Variants in LUZP2 observed in about 807,000 individuals in gnomAD.
LUZP2 encodes the protein leucine zipper protein 2.
In LUZP2, 52 loss-of-function variants were observed where a neutral mutation model predicts 51.6. The observed-to-expected ratio is 1.01, with a 90% confidence interval of 0.81 to 1.27. The LOEUF is 1.27. LUZP2 is among the 50% of genes most tolerant of loss of function. The probability of loss-of-function intolerance (pLI) is 0.00; values close to 1 mark genes in which losing one functional copy is unlikely to be tolerated. For synonymous variants in LUZP2, 154 were observed against 137.3 expected (o/e 1.12, Z -0.85); for missense variants, 436 against 395.4 (o/e 1.10, Z -0.87).
chr11:24,876,530 G>GTGA (rs2134280595), intron 5 of LUZP2, among the ~76,000 whole-genome samples: 1 of 148,502 alleles, frequency 6.7e-6, no homozygotes, highest in South Asian at 2.2e-4. Flanking sequence ...GTCAGGTAGT[G>GTGA]TGATGCCTCC....
At chr11:24,913,012 C>T (rs974744754) in intron 6 of LUZP2, among the ~76,000 whole-genome samples, 9 of 152,074 alleles carry the variant, frequency 5.9e-5, no homozygotes, top group African/African-American at 1.7e-4. Flanking sequence ...GGTTTATTAC[C>T]TACTGCAGCC....
At chr11:24,926,501 A>ATATGTGTATATATATG (rs200786199) in intron 7 of LUZP2, among the ~76,000 whole-genome samples, 2 of 135,644 alleles carry the variant, frequency 1.5e-5, no homozygotes, top group African/African-American at 2.8e-5. Context: ...ATGTGTATAT[A>ATATGTGTATATATATG]TGTGTGTGTA....
chr11:24,565,630 G>A (rs1754826550), intron 1 of LUZP2, among the ~76,000 whole-genome samples: 2 of 152,254 alleles, frequency 1.3e-5, no homozygotes, highest in South Asian at 4.1e-4. Context: ...AGGTTTCACT[G>A]GTTGTCACCT....
intron 1 of LUZP2, among the ~76,000 whole-genome samples, chr11:24,505,331 G>T (rs1000534600): frequency 6.6e-6 from 1 of 152,216 alleles, no homozygotes; most frequent in East Asian, 1.9e-4. Context: ...TTGTCGTGTT[G>T]CATGGGGTTA....
chr11:24,581,478 C>A (rs955144612), intron 1 of LUZP2, among the ~76,000 whole-genome samples: 4 of 151,894 alleles, frequency 2.6e-5, no homozygotes, highest in African/African-American at 9.7e-5. Flanking sequence ...TGAGATCAGG[C>A]TCTCCAACAT....
At chr11:24,549,730 C>T (rs1460873756) in intron 1 of LUZP2, among the ~76,000 whole-genome samples, 1 of 151,978 alleles carries the variant, frequency 6.6e-6, no homozygotes, top group Non-Finnish European at 1.5e-5. Context: ...TATATTCCAT[C>T]TTTTATTGGC....
At chr11:24,561,776 C>T (rs1022961109) in intron 1 of LUZP2, among the ~76,000 whole-genome samples, 2 of 150,388 alleles carry the variant, frequency 1.3e-5, no homozygotes, top group Non-Finnish European at 2.9e-5. Context: ...ACCTATGTAA[C>T]AAACCAGCAC....
chr11:24,982,958 G>A (rs10767293), intron 8 of LUZP2, among the ~76,000 whole-genome samples, 168 bp from the exon 9 acceptor site: 91,029 of 151,564 alleles, frequency 0.6, 29,223 homozygotes, highest in African/African-American at 0.84. Context: ...AACAGACTGA[G>A]TGTGGATATA....
In LUZP2 at chr11:24,870,757, C is replaced by A. The variant is rs182332007; in HGVS notation, c.397-35234C>A. Among the ~76,000 whole-genome samples, 581 of 152,158 alleles carry A rather than the reference C, an allele frequency of 3.8e-3. 4 individuals carry two copies. The highest frequency in any genetic ancestry group is 0.013 in the African/African-American group (560 of 41,538). On this transcript the variant is annotated intron_variant, in intron 5 of 11. Coordinates refer to ENST00000336930, the MANE Select transcript of LUZP2 (RefSeq NM_001009909.4). ...ACAAAAGCCTTAAGGGGGTTTCTCTCGGCTAAAAATTTTATTGAAAACACA... is the reference window on the plus strand; with the variant it reads ...ACAAAAGCCTTAAGGGGGTTTCTCTAGGCTAAAAATTTTATTGAAAACACA...
At chr11:25,052,767 T>A (rs1304506823) in intron 10 of LUZP2, among the ~76,000 whole-genome samples, 1 of 152,126 alleles carries the variant, frequency 6.6e-6, no homozygotes, top group African/African-American at 2.4e-5. Context: ...TTCATTTTTT[T>A]AAATCACAAA....
chr11:25,062,260 CAGAT>C (rs949734588), intron 10 of LUZP2, among the ~76,000 whole-genome samples: 2 of 150,676 alleles, frequency 1.3e-5, no homozygotes, highest in Non-Finnish European at 3.0e-5. Context: ...AATGGCCAAA[CAGAT>C]AGGTAGGCTT....
At chr11:25,078,151 G>T (rs1427672724) in intron 11 of LUZP2, among the ~76,000 whole-genome samples, 1 of 152,128 alleles carries the variant, frequency 6.6e-6, no homozygotes, top group Admixed American at 6.6e-5. Context: ...CACAAGTCAA[G>T]AGCTTAATTC....
At chr11:24,658,333 C>G (rs1347746919) in intron 1 of LUZP2, among the ~76,000 whole-genome samples, 2 of 152,120 alleles carry the variant, frequency 1.3e-5, no homozygotes, top group African/African-American at 4.8e-5. Flanking sequence ...GAAAGGATTC[C>G]CTATTTAATA....
chr11:24,665,969 A>C (rs1856199371), intron 1 of LUZP2, among the ~76,000 whole-genome samples: 1 of 152,064 alleles, frequency 6.6e-6, no homozygotes, highest in Non-Finnish European at 1.5e-5. Context: ...ATTATACATA[A>C]TTTTTCAAGT....
intron 5 of LUZP2, among the ~76,000 whole-genome samples, chr11:24,831,124 C>T (rs925928551): frequency 9.2e-5 from 14 of 152,196 alleles, no homozygotes; most frequent in Admixed American, 6.5e-4. Context: ...AAATGAAAAA[C>T]ACAAACAACT....
At chr11:24,553,701 T>C (rs1315052772) in intron 1 of LUZP2, among the ~76,000 whole-genome samples, 1 of 152,122 alleles carries the variant, frequency 6.6e-6, no homozygotes, top group Non-Finnish European at 1.5e-5. Context: ...AGACTAGAGA[T>C]AGAGGAGAAA....
intron 7 of LUZP2, among the ~76,000 whole-genome samples, chr11:24,917,953 C>A (rs977726094): frequency 6.6e-6 from 1 of 152,042 alleles, no homozygotes; most frequent in Non-Finnish European, 1.5e-5. Flanking sequence ...GATATTGATT[C>A]TTCCTACCCA....
At chr11:24,816,850 T>C (rs906212782) in intron 5 of LUZP2, among the ~76,000 whole-genome samples, 9 of 152,118 alleles carry the variant, frequency 5.9e-5, no homozygotes, top group South Asian at 2.1e-4. Context: ...TTTCACATTC[T>C]TTTTCTGGGC....
At chr11:24,884,205 G>GT (rs1372422502) in intron 5 of LUZP2, among the ~76,000 whole-genome samples, 1 of 151,994 alleles carries the variant, frequency 6.6e-6, no homozygotes, top group African/African-American at 2.4e-5. Context: ...TGGACTGGCT[G>GT]TTGAAAGTTA....
Sources: gnomAD v4.1 joint callset for allele counts (sites outside exome capture counted in the v4.1 genomes callset) on GRCh38, gnomAD v4.1.1 for gene constraint, MANE v1.5 for transcripts, NCBI Gene and HGNC (gene_info 2026-07-23, HGNC 2026-07-21) for gene names.